Variants in FARS2 observed in about 807,000 individuals in gnomAD.
The protein encoded by FARS2 is phenylalanine--tRNA ligase, mitochondrial.
Under a neutral mutation model 46.4 loss-of-function variants are expected in FARS2, and 40 were observed. That is an observed-to-expected ratio of 0.86 (90% CI 0.67 to 1.12). The LOEUF (loss-of-function observed/expected upper bound fraction) is 1.12. Ranked by LOEUF, FARS2 falls within the 50% of genes most tolerant of loss-of-function variation. The pLI is 0.00. For missense variants in FARS2, 513 were observed against 567.9 expected, an observed-to-expected ratio of 0.90 and a Z score of 0.98; for synonymous variants, 234 against 214.9, an observed-to-expected ratio of 1.09 and a Z score of -0.78.
At chr6:5,591,495 T>C (rs1174261349) in intron 5 of FARS2, among the ~76,000 whole-genome samples, 2 of 152,262 alleles carry the variant, frequency 1.3e-5, no homozygotes, top group African/African-American at 2.4e-5. Flanking sequence ...GCCTCTGGCC[T>C]GAACGCCTCC....
chr6:5,435,311 G>A (rs1354708405), intron 4 of FARS2, among the ~76,000 whole-genome samples: 1 of 152,212 alleles, frequency 6.6e-6, no homozygotes, highest in African/African-American at 2.4e-5. Context: ...GAAGGGCTAT[G>A]CCACCATGTG....
At chr6:5,432,327 AATATATATATATATATATATATATT>A (rs1347889299) in intron 4 of FARS2, among the ~76,000 whole-genome samples, 1 of 61,094 alleles carries the variant, frequency 1.6e-5, no homozygotes, top group African/African-American at 6.7e-5. Context: ...AAAAAAAAAA[AATATATATATATATATATATATATT>A]ATATATATAT....
At chr6:5,741,523 C>T (rs1012213445) in intron 6 of FARS2, among the ~76,000 whole-genome samples, 17 of 152,212 alleles carry the variant, frequency 1.1e-4, no homozygotes, top group African/African-American at 3.9e-4. Flanking sequence ...CCCTTGCTCA[C>T]TCCTGTACCT....
intron 2 of FARS2, among the ~76,000 whole-genome samples, chr6:5,379,247 G>GC (rs903959267): frequency 3.3e-5 from 5 of 152,094 alleles, no homozygotes; most frequent in Non-Finnish European, 5.9e-5. Context: ...AACTTTCACT[G>GC]AAAAAAATGA....
upstream of FARS2, among the ~76,000 whole-genome samples, chr6:5,259,514 G>C (rs1047383439): frequency 5.3e-5 from 8 of 152,302 alleles, no homozygotes; most frequent in African/African-American, 1.9e-4. Flanking sequence ...TTCCAGGCGG[G>C]TTTCTAAAAA....
chr6:5,357,672 T>C (rs79626719), intron 1 of FARS2, among the ~76,000 whole-genome samples: 2 of 152,202 alleles, frequency 1.3e-5, no homozygotes, highest in South Asian at 2.1e-4. Flanking sequence ...ACTACATCTA[T>C]TGAAAAATGC....
intron 6 of FARS2, among the ~76,000 whole-genome samples, chr6:5,661,813 T>C (rs1416811099): frequency 6.7e-6 from 1 of 149,950 alleles, no homozygotes; most frequent in East Asian, 1.9e-4. Context: ...CTTGGAAAGG[T>C]TGTGTGCAGT....
At chr6:5,535,116 G>A (rs1770115260) in intron 4 of FARS2, among the ~76,000 whole-genome samples, 1 of 152,128 alleles carries the variant, frequency 6.6e-6, no homozygotes, top group South Asian at 2.1e-4. Context: ...CCTGATGACT[G>A]ATAATGTTGA....
At chr6:5,365,631 C>T (rs1410523792) in intron 1 of FARS2, among the ~76,000 whole-genome samples, 2 of 148,668 alleles carry the variant, frequency 1.3e-5, no homozygotes, top group Non-Finnish European at 3.0e-5. Flanking sequence ...GGATCATAGG[C>T]GTGAGCCACC....
chr6:5,730,625 A>G (rs187901649), intron 6 of FARS2, among the ~76,000 whole-genome samples: 1 of 152,306 alleles, frequency 6.6e-6, no homozygotes, highest in Admixed American at 6.5e-5. Context: ...GCCCAGGGCC[A>G]GTAGAGAGGA....
intron 6 of FARS2, among the ~76,000 whole-genome samples, chr6:5,737,113 A>G (rs1453751620): frequency 1.3e-5 from 2 of 152,214 alleles, no homozygotes; most frequent in Non-Finnish European, 2.9e-5. Flanking sequence ...GCGTGAAGGG[A>G]GATCACACAG....
chr6:5,509,202 C>A (rs1448862104), intron 4 of FARS2, among the ~76,000 whole-genome samples: 1 of 152,236 alleles, frequency 6.6e-6, no homozygotes, highest in East Asian at 1.9e-4. Context: ...GATTTCATTT[C>A]ACCCAATCAG....
rs548435624 is a variant in FARS2 at position 5,423,035 on chromosome 6, G to A, written c.773-8006G>A. ...ACTCAGCTGCAAGTGATAAAGCTGG[G>A]ATTTGCTTCTAGATCTGTGCTGGCT... On this transcript the variant is annotated intron_variant, in intron 3 of 6. Transcript: ENST00000274680. Among the ~76,000 whole-genome samples, 13 of 152,268 alleles carry A rather than the reference G, an allele frequency of 8.5e-5. No homozygotes were observed. The East Asian group carries it at 2.5e-3, about 29-fold the overall frequency.
chr6:5,272,593 A>G (rs559120357), intron 1 of FARS2: 98 of 152,332 alleles, frequency 6.4e-4, no homozygotes, highest in African/African-American at 2.2e-3. Flanking sequence ...ATACATTCAT[A>G]TAATTTATAA....
chr6:5,297,538 C>T (rs1767977795), intron 1 of FARS2, among the ~76,000 whole-genome samples: 2 of 152,114 alleles, frequency 1.3e-5, no homozygotes, highest in South Asian at 4.2e-4. Context: ...ATCCCAGCTA[C>T]TCGGGAGGCT....
chr6:5,442,645 C>T (rs1763906594), intron 4 of FARS2, among the ~76,000 whole-genome samples: 1 of 152,102 alleles, frequency 6.6e-6, no homozygotes, highest in Non-Finnish European at 1.5e-5. Flanking sequence ...GACTTTCAAG[C>T]ATTTACCCTC....
chr6:5,393,324 G>A (rs983266040), intron 2 of FARS2, among the ~76,000 whole-genome samples: 5 of 152,132 alleles, frequency 3.3e-5, no homozygotes, highest in African/African-American at 1.2e-4. Flanking sequence ...CAGCAGTGGA[G>A]GGTCTGGGAG....
chr6:5,257,564 G>C (rs1302788331), upstream of FARS2, among the ~76,000 whole-genome samples: 1 of 152,196 alleles, frequency 6.6e-6, no homozygotes, highest in Non-Finnish European at 1.5e-5. Flanking sequence ...TGGCCTGTTA[G>C]GAACCGGGCC....
chr6:5,451,812 T>C lies in FARS2; in HGVS notation c.904+20640T>C, dbSNP rs1764508014. 2.6e-5 allele frequency: 4 copies of C among 152,228 alleles called. No individual in the cohort carries two copies. The South Asian group carries it at 8.3e-4, about 32-fold the overall frequency. 9.4% of individuals were successfully genotyped at this position (152,228 alleles called of 1,614,324 possible). ...CAGCTGGTATTAGTGTCTGTTGTGATTGGTTGGACCCTATTTAACTGGCAA... is the reference window on the plus strand; with the variant it reads ...CAGCTGGTATTAGTGTCTGTTGTGACTGGTTGGACCCTATTTAACTGGCAA... On this transcript the variant is annotated intron_variant, in intron 4 of 6. Transcript: ENST00000274680.
Sources: gnomAD v4.1 joint callset for allele counts (sites outside exome capture counted in the v4.1 genomes callset) on GRCh38, gnomAD v4.1.1 for gene constraint, MANE v1.5 for transcripts, NCBI Gene and HGNC (gene_info 2026-07-23, HGNC 2026-07-21) for gene names.